Variants in ABCC8 observed in about 807,000 individuals in gnomAD.
The protein encoded by ABCC8 is ATP-binding cassette sub-family C member 8.
A neutral mutation model predicts 188.0 loss-of-function variants in ABCC8; 137 were observed. The ratio of observed to expected loss-of-function variants is 0.73; its 90% CI spans 0.63 to 0.84. The LOEUF is 0.84. Among genes scored for constraint, ABCC8 ranks in the 40% least tolerant of loss-of-function variants. ABCC8 has a pLI of 0.00. For synonymous variants in ABCC8, 797 were observed against 846.5 expected (o/e 0.94, Z 1.01); for missense variants, 1,750 against 2,072.7 (o/e 0.84, Z 3.02).
In ABCC8 at chr11:17,392,962, A is replaced by G. The variant is rs2133389619; in HGVS notation, c.*29T>C. On this transcript the variant is annotated 3_prime_UTR_variant, in exon 39 of 39. Transcript: ENST00000389817. ...AGGCAGGGGTATGGGCAGGGTCCGA[A>G]TGTGGGATGGCACTTGGGCTCTGGC... The G allele has an allele frequency of 6.2e-7, 1 of 1,612,572 alleles. No individual in the cohort carries two copies. Among genetic ancestry groups the G allele is most frequent in the Non-Finnish European group, 8.5e-7 (1 of 1,178,878 alleles).
chr11:17,422,551 C>T (rs192389132), intron 16 of ABCC8, among the ~76,000 whole-genome samples: 83 of 152,308 alleles, frequency 5.4e-4, no homozygotes, highest in Non-Finnish European at 9.8e-4. Context: ...TGCATTTGCC[C>T]AAGCTGTTTC....
chr11:17,423,577 G>C (rs1232470358), intron 16 of ABCC8, among the ~76,000 whole-genome samples: 2 of 152,098 alleles, frequency 1.3e-5, no homozygotes, highest in Admixed American at 1.3e-4. Context: ...AGGGAAGCTG[G>C]ACCAGGACCG....
chr11:17,475,306 C>A (rs1350778503), intron 1 of ABCC8, among the ~76,000 whole-genome samples: 2 of 152,208 alleles, frequency 1.3e-5, no homozygotes, highest in Non-Finnish European at 2.9e-5. Context: ...CAGCCTTGAT[C>A]TCCTAGGCTC....
chr11:17,474,740 G>T, intron 2 of ABCC8, 146 bp downstream of exon 2: 2 of 895,474 alleles, frequency 2.2e-6, no homozygotes, highest in Admixed American at 2.0e-5. Context: ...GCTCAGAGAG[G>T]TTGGCACATA....
At position 17,393,008 on chromosome 11, in the gene ABCC8, C is replaced by T. The variant is rs1301774090; in HGVS notation, c.4729G>A (p.Val1577Ile). The T allele has an allele frequency of 1.2e-5, 20 of 1,614,024 alleles. No homozygotes were observed. Among genetic ancestry groups the T allele is most frequent in the African/African-American group, 2.7e-5 (2 of 74,942 alleles). Residue 1577 changes from valine to isoleucine, a missense_variant, in exon 39 of 39, where the codon GTC becomes ATC. Coordinates refer to ENST00000389817, the MANE Select transcript of ABCC8 (RefSeq NM_000352.6). ...SRKDSVFASF[V>I]RADK is the part of the protein sequence containing the mutation. ...CTGGCAGGTCACTTGTCTGCACGGA[C>T]GAAGGAGGCGAAGACGCTGTCCTTC... is the stretch of plus-strand genomic sequence containing the variant.
intron 7 of ABCC8, 66 bp from the exon 8 acceptor site, chr11:17,448,737 C>T: frequency 6.2e-7 from 1 of 1,612,614 alleles, no homozygotes; most frequent in East Asian, 2.2e-5. Context: ...CACCAGATGC[C>T]ACCTGTTACA....
chr11:17,418,639 A>C (rs1564911123), intron 16 of ABCC8, among the ~76,000 whole-genome samples: 2 of 152,150 alleles, frequency 1.3e-5, no homozygotes, highest in Non-Finnish European at 2.9e-5. Context: ...TTATTGATGC[A>C]TCTGTGGCAT....
Position 17,393,713 on chromosome 11 carries a change from G to A in ABCC8, c.4592C>T (p.Thr1531Ile), listed in dbSNP as rs372236185. The A allele has an allele frequency of 2.5e-6, 4 of 1,614,134 alleles. No individual in the cohort carries two copies. The African/African-American group carries it at 4.0e-5, about 16-fold the overall frequency. ...GCCCCTTACCGCGATGGTGACCACA[G>A]TGCGGTCTGCGAAGGCTGTCATCAC... ...KVVMTAFADR[T>I]VVTIAHRVHT... The change falls in exon 38 of 39, where the codon ACT becomes ATT. Residue 1531 changes from threonine (T) to isoleucine (I), a missense_variant. Thr to Ile is a moderately conservative substitution (Grantham distance 89, BLOSUM62 -1). Transcript: ENST00000389817.
At position 17,416,933 on chromosome 11, in the gene ABCC8, G is replaced by T; in HGVS notation, c.2252C>A (p.Pro751His). ...SLPDSEIGED[P>H]SPERETATDL... ...TGACCCAGTCCCAAGGCTGTACCTG[G>T]GGTCCTCTCCTATCTCGCTGTCAGG... is the stretch of plus-strand genomic sequence containing the variant. Residue 751 changes from proline (P) to histidine (H), a missense_variant, in exon 17 of 39, where the codon CCC becomes CAC. Transcript: ENST00000389817. 6.2e-7 allele frequency: 1 copy of T among 1,613,810 alleles called. No homozygotes were observed. The highest frequency in any genetic ancestry group is 2.2e-5 in the East Asian group (1 of 44,876).
At chr11:17,428,535 G>T in intron 13 of ABCC8, 30 bp downstream of exon 13, 1 of 1,613,510 alleles carries the variant, frequency 6.2e-7, no homozygotes, top group Middle Eastern at 1.7e-4. Flanking sequence ...GGACCATGCT[G>T]GGAGTAGCAA....
At chr11:17,450,283 T>C (rs1236405191) in intron 7 of ABCC8, among the ~76,000 whole-genome samples, 5 of 136,800 alleles carry the variant, frequency 3.7e-5, no homozygotes, top group Non-Finnish European at 1.5e-5. Flanking sequence ...TCTTTCTTTC[T>C]TTCTTTCTTT....
chr11:17,462,955 T>C (rs1391159071), intron 4 of ABCC8, among the ~76,000 whole-genome samples: 1 of 152,022 alleles, frequency 6.6e-6, no homozygotes, highest in Non-Finnish European at 1.5e-5. Context: ...ACAAACGAGT[T>C]CATTAGTCTG....
intron 6 of ABCC8, among the ~76,000 whole-genome samples, chr11:17,454,388 G>T (rs76815168): frequency 6.6e-6 from 1 of 152,216 alleles, no homozygotes; most frequent in Admixed American, 6.5e-5. Flanking sequence ...TGATCTGTGC[G>T]ACAGGGGTCT....
At chr11:17,475,092 C>T in intron 1 of ABCC8, 65 bp from the exon 2 acceptor site, 2 of 1,603,010 alleles carry the variant, frequency 1.2e-6, no homozygotes, top group Non-Finnish European at 8.5e-7. Flanking sequence ...GGTGCATGAA[C>T]CCCAGAAAGG....
At chr11:17,441,375 A>C (rs1956310133) in intron 10 of ABCC8, among the ~76,000 whole-genome samples, 1 of 152,094 alleles carries the variant, frequency 6.6e-6, no homozygotes. Context: ...CCCATCTGTA[A>C]AATGGTTCTA....
chr11:17,430,761 A>G, intron 12 of ABCC8, 53 bp downstream of exon 12: 1 of 1,582,418 alleles, frequency 6.3e-7, no homozygotes, highest in African/African-American at 1.3e-5. Context: ...GCAAGCCTTG[A>G]GGCTGACACA....
At position 17,406,785 on chromosome 11, in the gene ABCC8, A is replaced by T; in HGVS notation, c.3166T>A (p.Cys1056Ser). 1 of 1,614,106 alleles carries T rather than the reference A, an allele frequency of 6.2e-7. No individual in the cohort carries two copies. The highest frequency in any genetic ancestry group is 8.5e-7 in the Non-Finnish European group (1 of 1,180,022). ...GCATAGACAGTCTGGTCGAGGGTGC[A>T]CTCCTTCACAGGCAGAGAGTGATTT... ...AARNCSLSQECTLDQTVYAMV... is the reference protein window; with the variant it reads ...AARNCSLSQESTLDQTVYAMV... Residue 1056 changes from cysteine (C) to serine (S), a missense_variant, in exon 26 of 39, where the codon TGC (cysteine) becomes AGC (serine). Cys to Ser is a moderately radical substitution (Grantham distance 112). Transcript: ENST00000389817.
intron 21 of ABCC8, 138 bp downstream of exon 21, chr11:17,412,528 G>A: frequency 8.0e-7 from 1 of 1,254,774 alleles, no homozygotes; most frequent in Non-Finnish European, 1.1e-6. Context: ...AGGATGATAA[G>A]GCAATATCTC....
At chr11:17,461,850 G>C (rs1255497969) in intron 4 of ABCC8, 25 bp from the exon 5 acceptor site, 3 of 1,612,986 alleles carry the variant, frequency 1.9e-6, no homozygotes, top group Non-Finnish European at 2.5e-6. Flanking sequence ...GGCCATGGGG[G>C]ATGGGTAAGT....
Sources: gnomAD v4.1 joint callset for allele counts (sites outside exome capture counted in the v4.1 genomes callset) on GRCh38, gnomAD v4.1.1 for gene constraint, MANE v1.5 for transcripts, NCBI Gene and HGNC (gene_info 2026-07-23, HGNC 2026-07-21) for gene names.